RALYL: variants seen among roughly 807,000 people sequenced by gnomAD.
The protein encoded by RALYL is RALY RNA binding protein like.
RALYL carries 29 observed loss-of-function variants against 35.1 expected under a neutral mutation model. The observed-to-expected ratio is 0.83, with a 90% confidence interval of 0.61 to 1.13. RALYL has a LOEUF of 1.13. RALYL is among the 50% of genes most tolerant of loss of function. RALYL has a pLI of 0.00. For missense variants in RALYL, 359 were observed against 360.4 expected (o/e 1.00, Z 0.03); for synonymous variants, 120 against 127.6 (o/e 0.94, Z 0.40).
At chr8:84,628,877 T>A (rs1246400184) in intron 2 of RALYL, among the ~76,000 whole-genome samples, 1 of 152,050 alleles carries the variant, frequency 6.6e-6, no homozygotes, top group Non-Finnish European at 1.5e-5. Context: ...TGGTGAAAGA[T>A]CTTATTTCAG....
intron 1 of RALYL, among the ~76,000 whole-genome samples, chr8:84,480,768 G>C (rs2053960843): frequency 6.6e-6 from 1 of 152,066 alleles, no homozygotes; most frequent in South Asian, 2.1e-4. Context: ...TTTTATATCT[G>C]TACAGATTTC....
At chr8:84,282,090 C>G (rs750132355) in intron 1 of RALYL, among the ~76,000 whole-genome samples, 8 of 152,050 alleles carry the variant, frequency 5.3e-5, no homozygotes, top group Non-Finnish European at 1.2e-4. Flanking sequence ...CTGTATTTGC[C>G]TGTCCTGTTG....
At chr8:84,758,167 G>A (rs574791011) in intron 2 of RALYL, among the ~76,000 whole-genome samples, 25 of 152,270 alleles carry the variant, frequency 1.6e-4, no homozygotes, top group African/African-American at 6.0e-4. Flanking sequence ...TAATAGAAAT[G>A]TCAGCTTCTG....
At chr8:84,653,240 C>T (rs1245474471) in intron 2 of RALYL, among the ~76,000 whole-genome samples, 2 of 151,888 alleles carry the variant, frequency 1.3e-5, no homozygotes, top group Non-Finnish European at 2.9e-5. Context: ...TTTAAAAAAC[C>T]AATATTCAAC....
chr8:84,666,078 G>T (rs957617896), intron 2 of RALYL, among the ~76,000 whole-genome samples: 9 of 151,952 alleles, frequency 5.9e-5, no homozygotes, highest in African/African-American at 1.9e-4. Flanking sequence ...TATGCTTTTA[G>T]ATCTGTATAT....
intron 1 of RALYL, among the ~76,000 whole-genome samples, chr8:84,247,499 G>A (rs1166122952): frequency 6.7e-6 from 1 of 150,046 alleles, no homozygotes; most frequent in Non-Finnish European, 1.5e-5. Context: ...ATTCCTGCAA[G>A]TTTGTGCAAC....
At chr8:84,378,590 G>A (rs1229134854) in intron 1 of RALYL, among the ~76,000 whole-genome samples, 1 of 151,850 alleles carries the variant, frequency 6.6e-6, no homozygotes, top group Non-Finnish European at 1.5e-5. Flanking sequence ...TTGCAGCAAA[G>A]TTATTTGTTG....
At chr8:84,701,799 C>T (rs760709441) in intron 2 of RALYL, among the ~76,000 whole-genome samples, 1 of 152,090 alleles carries the variant, frequency 6.6e-6, no homozygotes, top group South Asian at 2.1e-4. Flanking sequence ...ACTGGATTCA[C>T]CCCTCCTAGA....
At chr8:84,616,724 G>A (rs1819785154) in intron 2 of RALYL, among the ~76,000 whole-genome samples, 1 of 151,034 alleles carries the variant, frequency 6.6e-6, no homozygotes, top group African/African-American at 2.4e-5. Context: ...TATGGTTTTA[G>A]GTCTAACGTT....
chr8:84,564,744 C>T (rs1250113684), intron 2 of RALYL, among the ~76,000 whole-genome samples: 1 of 151,546 alleles, frequency 6.6e-6, no homozygotes, highest in African/African-American at 2.4e-5. Flanking sequence ...TCCTGAATGT[C>T]CCAAACTACA....
chr8:84,541,557 G>T (rs910420788), intron 2 of RALYL, among the ~76,000 whole-genome samples: 1 of 151,726 alleles, frequency 6.6e-6, no homozygotes, highest in Admixed American at 6.6e-5. Context: ...TGTTGTTCTG[G>T]GTATCCTTCT....
intron 2 of RALYL, among the ~76,000 whole-genome samples, chr8:84,586,839 G>A (rs1349608469): frequency 6.6e-6 from 1 of 151,940 alleles, no homozygotes; most frequent in Non-Finnish European, 1.5e-5. Context: ...TCTTCTACTT[G>A]GACCAACCAT....
intron 1 of RALYL, among the ~76,000 whole-genome samples, chr8:84,287,455 A>C (rs1251845394): frequency 1.3e-5 from 2 of 151,994 alleles, no homozygotes; most frequent in Non-Finnish European, 2.9e-5. Flanking sequence ...ATGATCTGAA[A>C]TCCTCAAGGA....
intron 7 of RALYL, among the ~76,000 whole-genome samples, chr8:84,875,045 A>G (rs1161791919): frequency 8.8e-6 from 1 of 113,748 alleles, no homozygotes; most frequent in Non-Finnish European, 1.6e-5. Flanking sequence ...GATTTCTATT[A>G]CAAATGTATT....
intron 5 of RALYL, among the ~76,000 whole-genome samples, chr8:84,851,832 C>T (rs1190410042): frequency 3.3e-5 from 5 of 152,192 alleles, no homozygotes; most frequent in Admixed American, 6.5e-5. Context: ...TCCTCTGTTC[C>T]TCTCGCTCAG....
At chr8:84,276,402 C>T (rs1835381435) in intron 1 of RALYL, among the ~76,000 whole-genome samples, 1 of 152,154 alleles carries the variant, frequency 6.6e-6, no homozygotes, top group Non-Finnish European at 1.5e-5. Context: ...TTTACTGAAC[C>T]TCACTTCCAG....
chr8:84,499,388 G>A (rs1429086677), intron 1 of RALYL, among the ~76,000 whole-genome samples: 1 of 152,140 alleles, frequency 6.6e-6, no homozygotes, highest in African/African-American at 2.4e-5. Flanking sequence ...GCCTTGTGAA[G>A]TTTATCACCA....
chr8:84,582,307 A>G (rs1350311250), intron 2 of RALYL, among the ~76,000 whole-genome samples: 2 of 152,148 alleles, frequency 1.3e-5, no homozygotes, highest in Non-Finnish European at 1.5e-5. Flanking sequence ...GAGTATTTGA[A>G]TGGTAATGAG....
At chr8:84,550,172 T>A (rs1324187949) in intron 2 of RALYL, among the ~76,000 whole-genome samples, 2 of 152,068 alleles carry the variant, frequency 1.3e-5, no homozygotes, top group Admixed American at 6.6e-5. Flanking sequence ...GAGCAAACAT[T>A]TCTCTCAATT....
Sources: gnomAD v4.1 joint callset for allele counts (sites outside exome capture counted in the v4.1 genomes callset) on GRCh38, gnomAD v4.1.1 for gene constraint, MANE v1.5 for transcripts, NCBI Gene and HGNC (gene_info 2026-07-23, HGNC 2026-07-21) for gene names.